Variants in KHK observed in about 807,000 individuals in gnomAD.
The protein encoded by KHK is fructokinase.
Under a neutral mutation model 36.0 loss-of-function variants are expected in KHK, and 37 were observed. The observed-to-expected ratio is 1.03, with a 90% CI of 0.79 to 1.35. The LOEUF is 1.35. Among genes scored for constraint, KHK ranks in the 40% most tolerant of loss-of-function variants. The pLI is 0.00. For missense variants in KHK, 395 were observed against 391.9 expected (o/e 1.01, Z -0.07); for synonymous variants, 161 against 162.8 (o/e 0.99, Z 0.08).
chr2:27,087,243 G>A lies in KHK; in HGVS notation c.-17G>A. The A allele has an allele frequency of 6.4e-7, 1 of 1,572,594 alleles. No homozygotes were observed. Among genetic ancestry groups the A allele is most frequent in the Non-Finnish European group, 8.6e-7 (1 of 1,157,930 alleles). ...ACCCCGTCAGCCGGGCGGGCAGGAA[G>A]CTCTGGGAGTAGCCTCATGGAAGAG... On this transcript the variant is annotated 5_prime_UTR_variant, in exon 1 of 8. Transcript: ENST00000260598.
rs1418249498 is a variant in KHK at position 27,087,337 on chromosome 2, G to A, written c.78G>A (p.Glu26=). ...GCCTGGTGGACAAGTACCCTAAGGA[G>A]GACTCGGAGATAAGGTAGGGGCGCC... ...VISLVDKYPK[E]DSEIRCLSQR... Residue 26 remains glutamate (E), a synonymous_variant, in exon 1 of 8, where the codon GAG becomes GAA. Transcript: ENST00000260598. 2 of 1,593,892 alleles carry A rather than the reference G, an allele frequency of 1.3e-6. No individual in the cohort carries two copies. Among genetic ancestry groups the A allele is most frequent in the African/African-American group, 1.3e-5 (1 of 74,692 alleles).
intron 1 of KHK, among the ~76,000 whole-genome samples, chr2:27,090,078 C>T (rs1669897712): frequency 6.6e-6 from 1 of 152,210 alleles, no homozygotes; most frequent in African/African-American, 2.4e-5. Flanking sequence ...TCTCGAACTC[C>T]CGACGTCAGG....
In KHK at chr2:27,100,548, A is replaced by G; in HGVS notation, c.*798A>G. 7.7e-7 allele frequency: 1 copy of G among 1,290,466 alleles called. No homozygotes were observed. Among genetic ancestry groups the G allele is most frequent in the Non-Finnish European group, 1.0e-6 (1 of 988,428 alleles). 79.9% of individuals were successfully genotyped at this position (1,290,466 alleles called of 1,614,324 possible). A position where few individuals can be genotyped will look rare whatever the true frequency, so the allele number is the denominator to read the frequency against. On this transcript the variant is annotated 3_prime_UTR_variant, in exon 8 of 8. Coordinates refer to ENST00000260598, the MANE Select transcript of KHK (RefSeq NM_006488.3). ...CAATATAGGGTGGGTAAGGCCTTATAATGTAAAGAGCATATAATGTAAAGG... is the reference window on the plus strand; with the variant it reads ...CAATATAGGGTGGGTAAGGCCTTATGATGTAAAGAGCATATAATGTAAAGG...
intron 4 of KHK, 86 bp from the exon 5 acceptor site, chr2:27,097,417 C>T: frequency 6.3e-7 from 1 of 1,579,500 alleles, no homozygotes; most frequent in East Asian, 2.2e-5. Flanking sequence ...TCTCCCTCCT[C>T]ACCCAGAGTT....
At position 27,099,355 on chromosome 2, in the gene KHK, G is replaced by A. The variant is rs1670631411; in HGVS notation, c.654-65G>A. 6.2e-6 allele frequency: 10 copies of A among 1,612,394 alleles called. No individual in the cohort carries two copies. The South Asian group carries it at 9.9e-5, about 16-fold the overall frequency. ...GCCTGGACTCCAGGAGTCCGCCCTG[G>A]AGCTGGGAGGATGGCTGGGGGGACG... On this transcript the variant is annotated intron_variant, in intron 6 of 7. Coordinates refer to ENST00000260598, the MANE Select transcript of KHK (RefSeq NM_006488.3).
chr2:27,097,628 G>A lies in KHK; in HGVS notation c.543G>A (p.Gln181=). 1 of 1,614,156 alleles carries A rather than the reference G, an allele frequency of 6.2e-7. No homozygotes were observed. Residue 181 remains glutamine (Q), a synonymous_variant, in exon 5 of 8, where the codon CAG becomes CAA. Transcript: ENST00000260598. ...EVEKPREELF[Q]LFGYGDVVFV... ...AGAAGCCACGAGAGGAGCTCTTCCA[G>A]CTGTTTGGCTACGGAGACGTGGTGG...
chr2:27,092,572 AG>A (rs1208544978), intron 2 of KHK, 124 bp downstream of exon 2: 14 of 754,208 alleles, frequency 1.9e-5, no homozygotes, highest in Non-Finnish European at 3.0e-5. Context: ...AAACGCGGGG[AG>A]GGGGCATGGC....
chr2:27,096,661 T>G, intron 3 of KHK, 68 bp from the exon 4 acceptor site: 2 of 1,270,150 alleles, frequency 1.6e-6, no homozygotes, highest in Non-Finnish European at 2.3e-6. Context: ...AGCTGCCAGT[T>G]AGAGATCCTG....
chr2:27,099,983 A>C lies in KHK; in HGVS notation c.*233A>C. The stretch of plus-strand genomic sequence containing the variant: ...TCCTCAGAGCCAGCTTCTCCTCTCA[A>C]TGTCTGAACTGCTCTGGCTGGGCAT... On this transcript the variant is annotated 3_prime_UTR_variant, in exon 8 of 8. Coordinates refer to ENST00000260598, the MANE Select transcript of KHK (RefSeq NM_006488.3). The C allele has an allele frequency of 4.8e-6, 4 of 833,978 alleles. No homozygotes were observed. Among genetic ancestry groups the C allele is most frequent in the Non-Finnish European group, 5.7e-6 (3 of 524,018 alleles). The allele number at this position is 833,978 out of a possible 1,614,324, so 51.7% of individuals were successfully genotyped here.
intron 3 of KHK, 88 bp downstream of exon 3, chr2:27,095,022 G>A (rs1670254127): frequency 2.0e-6 from 3 of 1,472,174 alleles, no homozygotes; most frequent in Non-Finnish European, 2.8e-6. Context: ...CATCCCAACT[G>A]CCCCCCTCTG....
In KHK at chr2:27,097,552, A is replaced by G; in HGVS notation, c.467A>G (p.His156Arg). ...QVKMLQRIDA[H>R]NTRQPPEQKI... is the part of the protein sequence containing the mutation. The stretch of plus-strand genomic sequence containing the variant: ...AAGATGCTGCAGCGGATAGACGCAC[A>G]CAACACCAGGCAGCCTCCAGAGCAG... The change falls in exon 5 of 8, where the codon CAC becomes CGC. Residue 156 changes from histidine (H) to arginine (R), a missense_variant. Transcript: ENST00000260598. 1 of 1,614,000 alleles carries G rather than the reference A, an allele frequency of 6.2e-7. No homozygotes were observed. The highest frequency in any genetic ancestry group is 8.5e-7 in the Non-Finnish European group (1 of 1,180,032).
chr2:27,096,816 A>G lies in KHK; in HGVS notation c.417+15A>G. On this transcript the variant is annotated intron_variant, in intron 4 of 7. Coordinates refer to ENST00000260598, the MANE Select transcript of KHK (RefSeq NM_006488.3). The stretch of plus-strand genomic sequence containing the variant: ...TCCACATTGAGGTAAGCCCTGCCTT[A>G]CCTGTGTTTCAAGGGGCTCAACCTG... 6.2e-7 allele frequency: 1 copy of G among 1,607,528 alleles called. No homozygotes were observed. The highest frequency in any genetic ancestry group is 8.5e-7 in the Non-Finnish European group (1 of 1,174,192).
intron 1 of KHK, among the ~76,000 whole-genome samples, chr2:27,090,452 C>CTTTTTTTT (rs559420015): frequency 4.5e-5 from 5 of 110,122 alleles, no homozygotes; most frequent in East Asian, 2.7e-4. Context: ...TTTTTTCTTT[C>CTTTTTTTT]TTTTTTTTTT....
Position 27,099,177 on chromosome 2 carries a change from T to G in KHK, c.565-19T>G, listed in dbSNP as rs1670613293. On this transcript the variant is annotated intron_variant, in intron 5 of 7. Coordinates refer to ENST00000260598, the MANE Select transcript of KHK (RefSeq NM_006488.3). ...GACGAGTTAGAAGTGACCACCAGCT[T>G]CTCTTCCACTGCCCACAGGTGTTTG... 6.2e-7 allele frequency: 1 copy of G among 1,613,498 alleles called. No homozygotes were observed. The highest frequency in any genetic ancestry group is 1.7e-5 in the Admixed American group (1 of 60,008).
At position 27,097,598 on chromosome 2, in the gene KHK, G is replaced by A. The variant is rs746660886; in HGVS notation, c.513G>A (p.Glu171=). 1.2e-6 allele frequency: 2 copies of A among 1,614,128 alleles called. No individual in the cohort carries two copies. Among genetic ancestry groups the A allele is most frequent in the Non-Finnish European group, 1.7e-6 (2 of 1,180,054 alleles). ...PPEQKIRVSV[E]VEKPREELFQ... The stretch of plus-strand genomic sequence containing the variant: ...AGCAGAAGATCCGGGTGTCCGTGGA[G>A]GTGGAGAAGCCACGAGAGGAGCTCT... Residue 171 remains glutamate (E), a synonymous_variant, in exon 5 of 8, where the codon GAG becomes GAA. Transcript: ENST00000260598.
intron 5 of KHK, chr2:27,098,879 A>C: frequency 6.0e-6 from 2 of 334,070 alleles, no homozygotes; most frequent in Non-Finnish European, 1.2e-5. Flanking sequence ...ACAAGGCTGT[A>C]TTCTATTATA....
chr2:27,094,520 TAC>T, intron 2 of KHK: 1 of 1,614,144 alleles, frequency 6.2e-7, no homozygotes, highest in Non-Finnish European at 8.5e-7. Context: ...GGACCTACGC[TAC>T]ACAGTCTTTC....
Position 27,094,508 on chromosome 2 carries a change from G to A in KHK, c.210-292G>A, listed in dbSNP as rs200318560. Reference sequence around the variant, plus strand: ...CCTGGATGACCTCCGCCGCTATTCTGTGGACCTACGCTACACAGTCTTTCA... The same window carrying A: ...CCTGGATGACCTCCGCCGCTATTCTATGGACCTACGCTACACAGTCTTTCA... On this transcript the variant is annotated intron_variant, in intron 2 of 7. Transcript: ENST00000260598. 6.4e-5 allele frequency: 104 copies of A among 1,613,894 alleles called. 2 individuals are homozygous for A. Among genetic ancestry groups the A allele is most frequent in the Non-Finnish European group, 4.2e-6 (5 of 1,180,036 alleles).
rs1369385451 is a variant in KHK, at chr2:27,100,334, AT to A, written c.*587del. ...CCTCTGCCCTGCCCACCAGCCTGTG[AT>A]TTGATGGGGTCTTCATTGTCCAGAA... is the stretch of plus-strand genomic sequence containing the variant. On this transcript the variant is annotated 3_prime_UTR_variant, in exon 8 of 8. Coordinates refer to ENST00000260598, the MANE Select transcript of KHK (RefSeq NM_006488.3). 3.2e-6 allele frequency: 3 copies of A among 939,920 alleles called. No individual in the cohort carries two copies. In the Admixed American group the frequency reaches 7.2e-5, roughly 22 times the overall value. 58.2% of individuals were successfully genotyped at this position (939,920 alleles called of 1,614,324 possible).
Sources: gnomAD v4.1 joint callset for allele counts (sites outside exome capture counted in the v4.1 genomes callset) on GRCh38, gnomAD v4.1.1 for gene constraint, MANE v1.5 for transcripts, NCBI Gene and HGNC (gene_info 2026-07-23, HGNC 2026-07-21) for gene names.